MPP2: variants seen among roughly 807,000 people sequenced by gnomAD.
The protein encoded by MPP2 is MAGUK p55 scaffold protein 2, also known as MAGUK p55 subfamily member 2.
In MPP2, 42 loss-of-function variants were observed where a neutral mutation model predicts 58.5. The observed-to-expected ratio is 0.72, with a 90% CI of 0.56 to 0.93. MPP2 has a LOEUF of 0.93. Among genes scored for constraint, MPP2 ranks in the 40% least tolerant of loss-of-function variants. The probability of loss-of-function intolerance (pLI) is 0.00; values close to 1 mark genes in which losing one functional copy is unlikely to be tolerated. For synonymous variants in MPP2, 300 were observed against 307.8 expected (o/e 0.97, Z 0.26); for missense variants, 632 against 760.4 (o/e 0.83, Z 1.99).
intron 2 of MPP2, chr17:43,900,610 C>T: frequency 6.7e-7 from 1 of 1,489,118 alleles, no homozygotes. Context: ...TCTACCGCCT[C>T]CCCAGCCAAA....
intron 3 of MPP2, among the ~76,000 whole-genome samples, chr17:43,883,872 C>T (rs2047253336): frequency 6.6e-6 from 1 of 152,174 alleles, no homozygotes; most frequent in African/African-American, 2.4e-5. Context: ...AGGAGCAGGC[C>T]CTGCACCTAT....
chr17:43,898,454 T>C, intron 2 of MPP2, 74 bp from the exon 3 acceptor site: 1 of 994,846 alleles, frequency 1.0e-6, no homozygotes, highest in Non-Finnish European at 1.6e-6. Context: ...CCACAATACT[T>C]GCCACTTCCC....
At position 43,881,553 on chromosome 17, in the gene MPP2, G is replaced by C. The variant is rs953628182; in HGVS notation, c.718C>G (p.Arg240Gly). 1.2e-6 allele frequency: 2 copies of C among 1,613,966 alleles called. No individual in the cohort carries two copies. The highest frequency in any genetic ancestry group is 2.7e-5 in the African/African-American group (2 of 74,914). Residue 240 changes from arginine to glycine, a missense_variant, in exon 7 of 13, where the codon CGA becomes GGA. Arg to Gly is a moderately radical substitution (Grantham distance 125). Coordinates refer to ENST00000269095, the MANE Select transcript of MPP2 (RefSeq NM_005374.5). ...VKCHFDYDPARDSLIPCKEAG... is the reference protein window; with the variant it reads ...VKCHFDYDPAGDSLIPCKEAG... ...TCCTTGCAGGGGATGAGGCTGTCTC[G>C]GGCCGGGTCATAGTCAAAGTGACAT...
intron 3 of MPP2, among the ~76,000 whole-genome samples, chr17:43,891,695 A>C (rs1370015024): frequency 1.3e-5 from 2 of 152,200 alleles, no homozygotes; most frequent in Non-Finnish European, 2.9e-5. Flanking sequence ...CAGGAGTTCA[A>C]GACCAGCCTG....
intron 3 of MPP2, among the ~76,000 whole-genome samples, chr17:43,885,907 T>C (rs1235076769): frequency 6.6e-6 from 1 of 151,940 alleles, no homozygotes; most frequent in Non-Finnish European, 1.5e-5. Context: ...GTCAGGAGTT[T>C]GAGACGAGCC....
chr17:43,882,219 C>A (rs1470013619), intron 6 of MPP2, 65 bp downstream of exon 6: 2 of 1,454,074 alleles, frequency 1.4e-6, no homozygotes, highest in Admixed American at 1.7e-5. Flanking sequence ...CTCCGTGAGA[C>A]CTGCAACCTT....
intron 2 of MPP2, chr17:43,900,657 G>A (rs1343757086): frequency 3.5e-6 from 5 of 1,422,852 alleles, no homozygotes; most frequent in East Asian, 2.5e-5. Context: ...GTCGAGGAGC[G>A]CCCTCTGAGG....
At chr17:43,883,995 A>T in intron 3 of MPP2, 1 of 662,430 alleles carries the variant, frequency 1.5e-6, no homozygotes, top group East Asian at 2.7e-5. Flanking sequence ...GTCAGGAAGA[A>T]AAGAATTCCA....
chr17:43,900,016 T>C (rs1375142317), intron 2 of MPP2, among the ~76,000 whole-genome samples: 3 of 152,126 alleles, frequency 2.0e-5, no homozygotes, highest in Non-Finnish European at 4.4e-5. Flanking sequence ...AATGCTCTTG[T>C]CAGTGCCCCC....
Position 43,901,524 on chromosome 17 carries a change from G to C in MPP2, c.31+2906C>G, listed in dbSNP as rs78983886. ...AAGAGGCCACCATCAGGGTACTGCA[G>C]CCTCCACTCAGACATTCCCTGAGGA... On this transcript the variant is annotated intron_variant, in intron 2 of 12. Coordinates refer to ENST00000269095, the MANE Select transcript of MPP2 (RefSeq NM_005374.5). 1.6e-3 allele frequency: 1,609 copies of C among 985,492 alleles called. 23 individuals are homozygous for C. In the African/African-American group the frequency reaches 0.026, roughly 16 times the overall value. The allele number at this position is 985,492 out of a possible 1,614,324, so 61.0% of individuals were successfully genotyped here. A position where few individuals can be genotyped will look rare whatever the true frequency, so the allele number is the denominator to read the frequency against.
chr17:43,883,719 C>T lies in MPP2; in HGVS notation c.151-364G>A, dbSNP rs1358563898. 2.7e-5 allele frequency among the ~76,000 whole-genome samples: 4 copies of T among 150,032 alleles called. No individual in the cohort carries two copies. The East Asian group carries it at 7.7e-4, about 29-fold the overall frequency. ...ACCAGACATCATGGTTGGGTGGGGC[C>T]TTGAAGACCCTGAAGCCCAGGATGA... is the stretch of plus-strand genomic sequence containing the variant. On this transcript the variant is annotated intron_variant, in intron 3 of 12. Coordinates refer to ENST00000269095, the MANE Select transcript of MPP2 (RefSeq NM_005374.5).
At chr17:43,907,246 G>A in intron 1 of MPP2, 1 of 985,532 alleles carries the variant, frequency 1.0e-6, no homozygotes, top group Non-Finnish European at 1.2e-6. Flanking sequence ...AGCCCCTACC[G>A]CAGGGGCGGG....
intron 3 of MPP2, among the ~76,000 whole-genome samples, chr17:43,895,055 GGA>G (rs1241695635): frequency 1.3e-5 from 2 of 152,104 alleles, no homozygotes; most frequent in Non-Finnish European, 2.9e-5. Flanking sequence ...CTGTGGGAAG[GGA>G]ATGCAGTGAA....
In MPP2 at chr17:43,881,507, G is replaced by A; in HGVS notation, c.764C>T (p.Ala255Val). Residue 255 changes from alanine (A) to valine (V), a missense_variant, in exon 7 of 13, where the codon GCC (alanine) becomes GTC (valine). Physicochemically the swap from Ala to Val is moderately conservative, Grantham distance 64. Transcript: ENST00000269095. Reference sequence around the variant, plus strand: ...GTTTACGATCTGGAGCAAGTCCCCGGCGTTGAAGCGCAGGCCTGCTTCCTT... The same window carrying A: ...GTTTACGATCTGGAGCAAGTCCCCGACGTTGAAGCGCAGGCCTGCTTCCTT... Reference protein sequence around the residue: ...PCKEAGLRFNAGDLLQIVNQD... With the variant: ...PCKEAGLRFNVGDLLQIVNQD... The A allele has an allele frequency of 6.2e-7, 1 of 1,614,154 alleles. No homozygotes were observed. The highest frequency in any genetic ancestry group is 8.5e-7 in the Non-Finnish European group (1 of 1,180,018).
chr17:43,909,114 T>C (rs1284824356), upstream of MPP2, among the ~76,000 whole-genome samples: 1 of 152,198 alleles, frequency 6.6e-6, no homozygotes, highest in Non-Finnish European at 1.5e-5. Context: ...TTGCCCAGGC[T>C]GGGGTGCAAT....
rs2143490234 is a variant in MPP2, at chr17:43,877,528, G to A, written c.*279C>T. 1 of 448,698 alleles carries A rather than the reference G, an allele frequency of 2.2e-6. No individual in the cohort carries two copies. The highest frequency in any genetic ancestry group is 3.7e-5 in the East Asian group (1 of 26,954). 27.8% of individuals were successfully genotyped at this position (448,698 alleles called of 1,614,324 possible). On this transcript the variant is annotated 3_prime_UTR_variant, in exon 13 of 13. Coordinates refer to ENST00000269095, the MANE Select transcript of MPP2 (RefSeq NM_005374.5). ...TACTGACCATTATGGAGGTGACTCT[G>A]ACACATTCCTGGGCATAGCTTGGCC...
intron 3 of MPP2, among the ~76,000 whole-genome samples, chr17:43,891,046 C>T (rs1193219246): frequency 6.6e-6 from 1 of 152,186 alleles, no homozygotes; most frequent in African/African-American, 2.4e-5. Flanking sequence ...CTCACCACTA[C>T]ACCCTCTGCT....
chr17:43,893,867 T>C (rs137879871), intron 3 of MPP2, among the ~76,000 whole-genome samples: 1 of 152,324 alleles, frequency 6.6e-6, no homozygotes, highest in East Asian at 1.9e-4. Context: ...CAAATGAATC[T>C]CCCTATCTCT....
In MPP2 at chr17:43,878,003, C is replaced by T. The variant is rs2143498396; in HGVS notation, c.1483-20G>A. ...CGCCTCCTGCCCAGGCACAAGGGGA[C>T]CTCCCTACAGTCAGTGCCCACAACT... On this transcript the variant is annotated intron_variant, in intron 12 of 12. Transcript: ENST00000269095. 2 of 1,605,496 alleles carry T rather than the reference C, an allele frequency of 1.2e-6. No individual in the cohort carries two copies. Among genetic ancestry groups the T allele is most frequent in the Non-Finnish European group, 1.7e-6 (2 of 1,176,564 alleles).
Sources: gnomAD v4.1 joint callset for allele counts (sites outside exome capture counted in the v4.1 genomes callset) on GRCh38, gnomAD v4.1.1 for gene constraint, MANE v1.5 for transcripts, NCBI Gene and HGNC (gene_info 2026-07-23, HGNC 2026-07-21) for gene names.